The following EYA4 variants were observed in gnomAD, a reference collection of about 807,000 sequenced individuals.
EYA4 encodes the protein protein phosphatase EYA4.
Under a neutral mutation model 87.9 loss-of-function variants are expected in EYA4, and 31 were observed. That is an observed-to-expected ratio of 0.35 (90% CI 0.27 to 0.48). EYA4 has a LOEUF of 0.48. Among genes scored for constraint, EYA4 ranks in the 20% least tolerant of loss-of-function variants. The pLI is 0.99. For synonymous variants in EYA4, 263 were observed against 270.6 expected (o/e 0.97, Z 0.28); for missense variants, 678 against 761.4 (o/e 0.89, Z 1.29).
chr6:133,369,403 A>G (rs761301405), intron 2 of EYA4, among the ~76,000 whole-genome samples: 5 of 152,254 alleles, frequency 3.3e-5, no homozygotes, highest in Middle Eastern at 3.4e-3. Flanking sequence ...TATAAAATAT[A>G]TTACATAAAA....
At chr6:133,391,211 G>GT (rs1554246192) in intron 3 of EYA4, among the ~76,000 whole-genome samples, 104 of 52,806 alleles carry the variant, frequency 2.0e-3, no homozygotes, top group Non-Finnish European at 2.4e-3. Context: ...TATTTTTTGG[G>GT]TTTTGTTTTT....
At chr6:133,395,927 T>C (rs1333495737) in intron 3 of EYA4, among the ~76,000 whole-genome samples, 2 of 152,202 alleles carry the variant, frequency 1.3e-5, no homozygotes, top group Non-Finnish European at 2.9e-5. Context: ...ATGAATTTAA[T>C]GGTTATTCTA....
rs753715225 is a variant in EYA4 at position 133,341,677 on chromosome 6, C to T, written c.34-40715C>T. On this transcript the variant is annotated intron_variant, in intron 2 of 19. Coordinates refer to ENST00000355286, the MANE Select transcript of EYA4 (RefSeq NM_004100.5). ...AGTTGCATTAAAAAAAAAACATTGA[C>T]TCACAAATGAATAGCTAGTGGAGGG... is the stretch of plus-strand genomic sequence containing the variant. Among the ~76,000 whole-genome samples the T allele has an allele frequency of 1.4e-4, 22 of 151,930 alleles. No homozygotes were observed. The South Asian group carries it at 3.1e-3, about 22-fold the overall frequency.
At chr6:133,441,877 A>G (rs1792333909) in intron 3 of EYA4, among the ~76,000 whole-genome samples, 1 of 152,082 alleles carries the variant, frequency 6.6e-6, no homozygotes, top group Non-Finnish European at 1.5e-5. Context: ...GCAAAGAATC[A>G]ATACTGACAT....
intron 13 of EYA4, among the ~76,000 whole-genome samples, chr6:133,497,891 G>A (rs17062630): frequency 0.091 from 13,898 of 152,124 alleles, 1,246 homozygotes; most frequent in East Asian, 0.26. Context: ...AAAAGTGAAT[G>A]GTTGGCTGAT....
At chr6:133,306,053 T>A (rs975321831) in intron 2 of EYA4, among the ~76,000 whole-genome samples, 2 of 152,166 alleles carry the variant, frequency 1.3e-5, no homozygotes, top group South Asian at 2.1e-4. Flanking sequence ...TTGTGCCAAA[T>A]GTAACCACTT....
At chr6:133,451,104 G>A (rs546003023) in intron 5 of EYA4, among the ~76,000 whole-genome samples, 68 of 152,226 alleles carry the variant, frequency 4.5e-4, no homozygotes, top group Non-Finnish European at 8.8e-4. Flanking sequence ...CTCTGTTGTC[G>A]CTATTTAGCT....
chr6:133,369,011 G>A (rs1009261430), intron 2 of EYA4, among the ~76,000 whole-genome samples: 6 of 152,028 alleles, frequency 3.9e-5, no homozygotes, highest in African/African-American at 1.5e-4. Flanking sequence ...GAGCCAAACT[G>A]TAAAGATTAT....
intron 3 of EYA4, among the ~76,000 whole-genome samples, chr6:133,397,420 T>C (rs1481305173): frequency 6.6e-6 from 1 of 152,222 alleles, no homozygotes; most frequent in Non-Finnish European, 1.5e-5. Flanking sequence ...CTGCATTCCA[T>C]CTAGCAAATT....
chr6:133,389,224 T>C (rs955588592), intron 3 of EYA4, among the ~76,000 whole-genome samples: 1 of 152,188 alleles, frequency 6.6e-6, no homozygotes, highest in South Asian at 2.1e-4. Context: ...AACTGTGATA[T>C]GAAAGGAGAG....
At chr6:133,280,804 G>C (rs1177409872) in intron 2 of EYA4, among the ~76,000 whole-genome samples, 1 of 152,104 alleles carries the variant, frequency 6.6e-6, no homozygotes, top group Non-Finnish European at 1.5e-5. Context: ...TATTACCACA[G>C]TCAATTTTAG....
In EYA4 at chr6:133,462,410, G is replaced by T; in HGVS notation, c.513G>T (p.Gly171=). The part of the protein sequence containing the change: ...SAYAGQTQYS[G]MQQPAVYTAY... Reference sequence around the variant, plus strand: ...ATGCAGGCCAGACTCAGTATTCGGGGATGCAGCAGCCAGCCGTCTACACAG... The same window carrying T: ...ATGCAGGCCAGACTCAGTATTCGGGTATGCAGCAGCCAGCCGTCTACACAG... The change falls in exon 8 of 20, where the codon GGG becomes GGT. Residue 171 remains glycine, a synonymous_variant. Coordinates refer to ENST00000355286, the MANE Select transcript of EYA4 (RefSeq NM_004100.5). 6.2e-7 allele frequency: 1 copy of T among 1,613,940 alleles called. No homozygotes were observed. The highest frequency in any genetic ancestry group is 8.5e-7 in the Non-Finnish European group (1 of 1,179,934).
chr6:133,419,999 A>G (rs1358479106), intron 3 of EYA4, among the ~76,000 whole-genome samples: 1 of 152,184 alleles, frequency 6.6e-6, no homozygotes, highest in Non-Finnish European at 1.5e-5. Context: ...GAATAGTGGC[A>G]TTGTAAAATG....
intron 2 of EYA4, among the ~76,000 whole-genome samples, chr6:133,285,121 C>T (rs1011012822): frequency 2.7e-4 from 41 of 150,516 alleles, no homozygotes; most frequent in African/African-American, 6.8e-4. Context: ...CTCAGCCTCC[C>T]GAGTAGCTGG....
In EYA4 at chr6:133,328,210, T is replaced by C. The variant is rs1192637968; in HGVS notation, c.33+53397T>C. Among the ~76,000 whole-genome samples the C allele has an allele frequency of 2.0e-5, 3 of 152,194 alleles. No individual in the cohort carries two copies. The East Asian group carries it at 5.8e-4, about 29-fold the overall frequency. ...GTGAAGAATCAACAATATCATGCAG[T>C]TGATTATGTGAGGATTAAATGAAAC... On this transcript the variant is annotated intron_variant, in intron 2 of 19. Coordinates refer to ENST00000355286, the MANE Select transcript of EYA4 (RefSeq NM_004100.5).
At chr6:133,417,908 G>A (rs940274424) in intron 3 of EYA4, among the ~76,000 whole-genome samples, 1 of 152,124 alleles carries the variant, frequency 6.6e-6, no homozygotes, top group Non-Finnish European at 1.5e-5. Flanking sequence ...AGCATGTAGG[G>A]TCTGAATTTT....
At chr6:133,405,614 C>T (rs535652977) in intron 3 of EYA4, among the ~76,000 whole-genome samples, 87 of 152,164 alleles carry the variant, frequency 5.7e-4, no homozygotes, top group African/African-American at 2.0e-3. Context: ...ATGTTCCAGG[C>T]ACAATTTTAG....
At chr6:133,441,277 A>G (rs1205737913) in intron 3 of EYA4, among the ~76,000 whole-genome samples, 1 of 152,142 alleles carries the variant, frequency 6.6e-6, no homozygotes, top group Non-Finnish European at 1.5e-5. Context: ...CACTCAAATA[A>G]TACTTATGTA....
At chr6:133,276,977 T>C (rs1421757245) in intron 2 of EYA4, among the ~76,000 whole-genome samples, 1 of 152,118 alleles carries the variant, frequency 6.6e-6, no homozygotes, top group African/African-American at 2.4e-5. Flanking sequence ...ATGAAATCTT[T>C]ATATGATTCT....
Sources: allele counts gnomAD v4.1 joint callset (sites outside exome capture counted in the v4.1 genomes callset), GRCh38; gene constraint gnomAD v4.1.1; transcripts MANE v1.5; gene names NCBI Gene and HGNC (gene_info 2026-07-23, HGNC 2026-07-21).